Variants in ACBD6 observed in about 807,000 individuals in gnomAD.
The protein encoded by ACBD6 is acyl-CoA binding domain containing 6, also known as acyl-CoA-binding domain-containing protein 6.
In ACBD6, 28 loss-of-function variants were observed where a neutral mutation model predicts 37.2. The ratio of observed to expected loss-of-function variants is 0.75; its 90% CI spans 0.56 to 1.03. The LOEUF is 1.03. Ranked by LOEUF, ACBD6 falls within the 50% of genes least tolerant of loss-of-function variation. The probability of loss-of-function intolerance (pLI) is 0.00; values close to 1 mark genes in which losing one functional copy is unlikely to be tolerated. For missense variants in ACBD6, 340 were observed against 337.4 expected (o/e 1.01, Z -0.06); for synonymous variants, 113 against 126.8 (o/e 0.89, Z 0.73).
intron 7 of ACBD6, among the ~76,000 whole-genome samples, chr1:180,292,854 C>T (rs543595271): frequency 3.3e-5 from 5 of 152,186 alleles, no homozygotes; most frequent in East Asian, 3.9e-4. Flanking sequence ...TATTAACTGT[C>T]GATTTTCTCA....
intron 6 of ACBD6, among the ~76,000 whole-genome samples, chr1:180,390,652 A>ATTTGTT (rs1654038556): frequency 6.6e-6 from 1 of 152,160 alleles, no homozygotes; most frequent in Non-Finnish European, 1.5e-5. Context: ...ATGTTCTTCC[A>ATTTGTT]TTTGTTTGTA....
At chr1:180,402,694 C>T (rs4442335) in intron 5 of ACBD6, among the ~76,000 whole-genome samples, 73,664 of 151,404 alleles carry the variant, frequency 0.49, 20,728 homozygotes, top group South Asian at 0.66. Context: ...TCAGGAGGCT[C>T]GGCTCAACAG....
intron 6 of ACBD6, among the ~76,000 whole-genome samples, chr1:180,389,829 G>A (rs1205412009): frequency 5.3e-5 from 8 of 152,028 alleles, no homozygotes; most frequent in Non-Finnish European, 1.5e-5. Flanking sequence ...CATGTCCTTT[G>A]CCCACTTTTT....
chr1:180,304,241 T>C (rs1650253424), intron 7 of ACBD6, among the ~76,000 whole-genome samples: 1 of 150,626 alleles, frequency 6.6e-6, no homozygotes, highest in African/African-American at 2.4e-5. Flanking sequence ...AACATAGTGT[T>C]GGAAGTTCTG....
At chr1:180,421,581 C>T (rs1557862844) in intron 4 of ACBD6, among the ~76,000 whole-genome samples, 2 of 152,182 alleles carry the variant, frequency 1.3e-5, no homozygotes, top group Non-Finnish European at 2.9e-5. Flanking sequence ...GTCACACTGT[C>T]TTCCACAATG....
At chr1:180,331,488 AG>A (rs1237790226) in intron 6 of ACBD6, among the ~76,000 whole-genome samples, 1 of 152,208 alleles carries the variant, frequency 6.6e-6, no homozygotes, top group Non-Finnish European at 1.5e-5. Flanking sequence ...GGGATATCAT[AG>A]GACTTTGCCA....
intron 3 of ACBD6, among the ~76,000 whole-genome samples, chr1:180,485,922 T>G (rs1050970675): frequency 6.6e-6 from 1 of 151,562 alleles, no homozygotes; most frequent in Non-Finnish European, 1.5e-5. Flanking sequence ...ACAGGAGCCA[T>G]CTTGAAGGTA....
chr1:180,355,301 A>C (rs1205431603), intron 6 of ACBD6, among the ~76,000 whole-genome samples: 1 of 152,202 alleles, frequency 6.6e-6, no homozygotes, highest in Non-Finnish European at 1.5e-5. Flanking sequence ...CTTAACTATG[A>C]CTGGGATTTC....
intron 7 of ACBD6, among the ~76,000 whole-genome samples, chr1:180,313,017 T>C (rs1650653532): frequency 6.6e-6 from 1 of 152,348 alleles, no homozygotes; most frequent in Middle Eastern, 3.4e-3. Flanking sequence ...TTTTCTGCAT[T>C]TGATTTGATC....
At chr1:180,473,274 T>C (rs7533631) in intron 3 of ACBD6, among the ~76,000 whole-genome samples, 17,055 of 151,604 alleles carry the variant, frequency 0.11, 1,402 homozygotes, top group African/African-American at 0.23. Context: ...GGTGAAACCC[T>C]GTCTCTACTA....
intron 6 of ACBD6, among the ~76,000 whole-genome samples, chr1:180,358,371 G>A (rs1294577567): frequency 1.3e-5 from 2 of 152,070 alleles, no homozygotes; most frequent in Admixed American, 1.3e-4. Flanking sequence ...GGGTTGCGGT[G>A]AGCCGAGATT....
intron 6 of ACBD6, among the ~76,000 whole-genome samples, chr1:180,346,220 G>A (rs1178973164): frequency 6.6e-6 from 1 of 152,166 alleles, no homozygotes; most frequent in Non-Finnish European, 1.5e-5. Context: ...GTAATCTTAG[G>A]AGAAACATAA....
At chr1:180,484,893 G>A (rs888240017) in intron 3 of ACBD6, among the ~76,000 whole-genome samples, 9 of 151,876 alleles carry the variant, frequency 5.9e-5, no homozygotes, top group East Asian at 1.9e-4. Flanking sequence ...GTGAAACCCC[G>A]TCTCTACTAA....
At chr1:180,455,837 T>TA (rs1474203493) in intron 3 of ACBD6, among the ~76,000 whole-genome samples, 5 of 152,246 alleles carry the variant, frequency 3.3e-5, no homozygotes, top group Non-Finnish European at 7.3e-5. Flanking sequence ...AATATGGTCC[T>TA]AATCCATAAA....
chr1:180,326,836 G>T (rs777406028), intron 6 of ACBD6, among the ~76,000 whole-genome samples: 4 of 152,174 alleles, frequency 2.6e-5, no homozygotes, highest in African/African-American at 4.8e-5. Flanking sequence ...GATGTGTCTA[G>T]AAATGTCATC....
chr1:180,492,414 A>G (rs762918396), intron 2 of ACBD6, 49 bp from the exon 3 acceptor site: 26 of 1,396,410 alleles, frequency 1.9e-5, no homozygotes, highest in Non-Finnish European at 2.6e-5. Flanking sequence ...AAATAACACA[A>G]ACAGCATTTT....
intron 3 of ACBD6, chr1:180,435,058 A>G: frequency 1.2e-6 from 1 of 842,956 alleles, no homozygotes; most frequent in East Asian, 2.4e-5. Flanking sequence ...GTGGAAGGTC[A>G]GCTTGCACAT....
intron 3 of ACBD6, among the ~76,000 whole-genome samples, chr1:180,478,508 A>C (rs1363814983): frequency 7.0e-6 from 1 of 143,828 alleles, no homozygotes; most frequent in Non-Finnish European, 1.5e-5. Context: ...TTTTTTTTTG[A>C]GACGGAGTCA....
intron 6 of ACBD6, among the ~76,000 whole-genome samples, chr1:180,362,425 A>C (rs1652885478): frequency 6.6e-6 from 1 of 152,138 alleles, no homozygotes; most frequent in Non-Finnish European, 1.5e-5. Flanking sequence ...CAACTGACAA[A>C]AGAAGGTGAA....
Sources: allele counts gnomAD v4.1 joint callset (sites outside exome capture counted in the v4.1 genomes callset), GRCh38; gene constraint gnomAD v4.1.1; transcripts MANE v1.5; gene names NCBI Gene and HGNC (gene_info 2026-07-23, HGNC 2026-07-21).